PHF3: variants seen among roughly 807,000 people sequenced by gnomAD.
PHF3 encodes PHD finger protein 3.
A neutral mutation model predicts 178.4 loss-of-function variants in PHF3; 41 were observed. The ratio of observed to expected loss-of-function variants is 0.23; its 90% confidence interval spans 0.18 to 0.30. The LOEUF is 0.30. Ranked by LOEUF, PHF3 falls within the 10% of genes least tolerant of loss-of-function variation. The pLI is 1.00. For missense variants in PHF3, 2,346 were observed against 2,398.1 expected, an observed-to-expected ratio of 0.98 and a Z score of 0.45; for synonymous variants, 842 against 800.5, an observed-to-expected ratio of 1.05 and a Z score of -0.88.
intron 2 of PHF3, among the ~76,000 whole-genome samples, chr6:63,663,274 T>A (rs548364001): frequency 1.3e-5 from 2 of 152,296 alleles, no homozygotes; most frequent in East Asian, 3.9e-4. Flanking sequence ...ACTGGCTAAT[T>A]TATAGTGGCC....
chr6:63,702,055 A>G (rs926447164), intron 9 of PHF3, among the ~76,000 whole-genome samples: 1 of 152,172 alleles, frequency 6.6e-6, no homozygotes, highest in Non-Finnish European at 1.5e-5. Context: ...TAGTTAGGAG[A>G]CAGCTAACAA....
In PHF3 at chr6:63,706,763, A is replaced by C; in HGVS notation, c.3598A>C (p.Thr1200Pro). The change falls in exon 13 of 16, where the codon ACC becomes CCC. Residue 1200 changes from threonine (T) to proline (P), a missense_variant. By Grantham distance (38) the Thr-to-Pro change is conservative. Transcript: ENST00000262043. Reference sequence around the variant, plus strand: ...GCCTGGAACTGTTGAAGTTGAGTCTACCTTTCTGGCTCGATTGAACTTCAT... The same window carrying C: ...GCCTGGAACTGTTGAAGTTGAGTCTCCCTTTCTGGCTCGATTGAACTTCAT... ...EMPGTVEVES[T>P]FLARLNFIWK... The C allele has an allele frequency of 1.2e-6, 2 of 1,613,882 alleles. No homozygotes were observed. Among genetic ancestry groups the C allele is most frequent in the Non-Finnish European group, 1.7e-6 (2 of 1,179,886 alleles).
Position 63,713,468 on chromosome 6 carries a change from AAGC to A in PHF3, c.5883_5885del (p.Ser1961del), listed in dbSNP as rs1426020560. 1.2e-6 allele frequency: 2 copies of A among 1,613,818 alleles called. No individual in the cohort carries two copies. The highest frequency in any genetic ancestry group is 1.3e-5 in the African/African-American group (1 of 74,898). ...GCCAAGACAAGGACAGAGACAGAAA[AAGC>A]AGGGAGGAAGGGCACAAAGATAAAG... On this transcript the variant is annotated inframe_deletion, in exon 16 of 16. Transcript: ENST00000262043.
At chr6:63,670,704 C>G (rs1377068827) in intron 2 of PHF3, among the ~76,000 whole-genome samples, 1 of 152,188 alleles carries the variant, frequency 6.6e-6, no homozygotes, top group East Asian at 1.9e-4. Context: ...TGCACTCATG[C>G]ATTTGTTCAT....
Position 63,711,357 on chromosome 6 carries a change from G to T in PHF3, c.3992G>T (p.Gly1331Val). 1 of 1,603,166 alleles carries T rather than the reference G, an allele frequency of 6.2e-7. No homozygotes were observed. The highest frequency in any genetic ancestry group is 1.3e-5 in the African/African-American group (1 of 74,436). ...CCACACCCTCTTGTGCCTTTTGATG[G>T]ACCTGGTAGGTATACGTTTTAATAA... ...KIPHPLVPFD[G>V]PGLELHRPNL... Residue 1331 changes from glycine to valine, a missense_variant, in exon 15 of 16, where the codon GGA (glycine) becomes GTA (valine). Physicochemically the swap from Gly to Val is moderately radical, Grantham distance 109 (BLOSUM62 -3). Around this residue, in one of 8 missense-constraint regions of PHF3, gnomAD observed 90 missense variants for 136.6 expected, o/e 0.66. Coordinates refer to ENST00000262043, the MANE Select transcript of PHF3 (RefSeq NM_001370348.2).
chr6:63,636,358 C>G (rs1171164364), intron 1 of PHF3: 1 of 158,460 alleles, frequency 6.3e-6, no homozygotes, highest in African/African-American at 2.4e-5. Flanking sequence ...CGCCTGTGGA[C>G]CATTTGGACC....
intron 2 of PHF3, among the ~76,000 whole-genome samples, chr6:63,667,193 C>T (rs1765717727): frequency 6.6e-6 from 1 of 152,006 alleles, no homozygotes; most frequent in South Asian, 2.1e-4. Flanking sequence ...TATGAAGAAC[C>T]CATGGATTTG....
rs1023986653 is a variant in PHF3, at chr6:63,717,523, A to G, written c.*3815A>G. On this transcript the variant is annotated 3_prime_UTR_variant, in exon 16 of 16. Transcript: ENST00000262043. ...CTAATTCTTTGATTTCTGTTTCACAATTATAGTAATATGTAGAGCAAAAAA... is the reference window on the plus strand; with the variant it reads ...CTAATTCTTTGATTTCTGTTTCACAGTTATAGTAATATGTAGAGCAAAAAA... Among the ~76,000 whole-genome samples, 3 of 151,986 alleles carry G rather than the reference A, an allele frequency of 2.0e-5. No homozygotes were observed. The highest frequency in any genetic ancestry group is 4.4e-5 in the Non-Finnish European group (3 of 67,952).
Position 63,712,731 on chromosome 6 carries a change from A to T in PHF3, c.5143A>T (p.Asn1715Tyr), listed in dbSNP as rs748903085. 2 of 1,613,972 alleles carry T rather than the reference A, an allele frequency of 1.2e-6. No individual in the cohort carries two copies. Among genetic ancestry groups the T allele is most frequent in the Admixed American group, 1.7e-5 (1 of 59,990 alleles). ...AAACTCGTGTGTTCAGCAGAGTGACAATTTAAAAGTTGCACAAAACTCACC... is the reference window on the plus strand; with the variant it reads ...AAACTCGTGTGTTCAGCAGAGTGACTATTTAAAAGTTGCACAAAACTCACC... ...EKNSCVQQSD[N>Y]LKVAQNSPSV... is the part of the protein sequence containing the mutation. Residue 1715 changes from asparagine (N) to tyrosine (Y), a missense_variant, in exon 16 of 16, where the codon AAT (asparagine) becomes TAT (tyrosine). By Grantham distance (143) the Asn-to-Tyr change is moderately radical. Transcript: ENST00000262043.
chr6:63,679,150 G>A (rs1766313815), intron 2 of PHF3: 1 of 154,054 alleles, frequency 6.5e-6, no homozygotes. Flanking sequence ...AGACTTGCTG[G>A]TCTAAATAAT....
chr6:63,690,728 A>G (rs1306308938), intron 4 of PHF3, among the ~76,000 whole-genome samples: 1 of 152,164 alleles, frequency 6.6e-6, no homozygotes. Context: ...TGAAAAAAGG[A>G]CAAAGTTAAG....
At chr6:63,711,135 C>G (rs1191985958) in intron 14 of PHF3, 32 bp from the exon 15 acceptor site, 1 of 1,502,630 alleles carries the variant, frequency 6.7e-7, no homozygotes. Flanking sequence ...AGCTTATTAC[C>G]TTAAACAATT....
chr6:63,684,523 A>G lies in PHF3; in HGVS notation c.801A>G (p.Glu267=). The change falls in exon 4 of 16, where the codon GAA becomes GAG. Residue 267 remains glutamate, a synonymous_variant. Coordinates refer to ENST00000262043, the MANE Select transcript of PHF3 (RefSeq NM_001370348.2). The part of the protein sequence containing the change: ...LLSETCVTIG[E]KKNEALMECK... The stretch of plus-strand genomic sequence containing the variant: ...CAGAGACTTGTGTTACTATTGGAGA[A>G]AAGAAAAATGAAGCTTTGATGGAAT... 6.2e-7 allele frequency: 1 copy of G among 1,613,338 alleles called. No homozygotes were observed. Among genetic ancestry groups the G allele is most frequent in the Non-Finnish European group, 8.5e-7 (1 of 1,179,770 alleles).
Position 63,711,988 on chromosome 6 carries a change from A to G in PHF3, c.4400A>G (p.Asp1467Gly). 6.2e-7 allele frequency: 1 copy of G among 1,613,780 alleles called. No homozygotes were observed. Among genetic ancestry groups the G allele is most frequent in the Non-Finnish European group, 8.5e-7 (1 of 1,179,912 alleles). The stretch of plus-strand genomic sequence containing the variant: ...TTAGCAAATAAACCTCTTCCTGTGG[A>G]TGATATACTTCAAAGCCTTTTGGGC... ...LELANKPLPVDDILQSLLGTT... is the reference protein window; with the variant it reads ...LELANKPLPVGDILQSLLGTT... The change falls in exon 16 of 16, where the codon GAT (aspartate) becomes GGT (glycine). Residue 1467 changes from aspartate (D) to glycine (G), a missense_variant. Physicochemically the swap from Asp to Gly is moderately conservative, Grantham distance 94. Coordinates refer to ENST00000262043, the MANE Select transcript of PHF3 (RefSeq NM_001370348.2).
At chr6:63,707,660 A>C (rs1249434992) in intron 13 of PHF3, among the ~76,000 whole-genome samples, 1 of 151,998 alleles carries the variant, frequency 6.6e-6, no homozygotes, top group Non-Finnish European at 1.5e-5. Flanking sequence ...TGCTGATTTT[A>C]AAGAATTAAA....
chr6:63,654,533 G>A (rs988431788), intron 2 of PHF3, among the ~76,000 whole-genome samples: 1 of 152,142 alleles, frequency 6.6e-6, no homozygotes, highest in Non-Finnish European at 1.5e-5. Context: ...GAGAGCAAAA[G>A]ATAAAAGAGA....
chr6:63,644,956 C>A (rs903132901), intron 1 of PHF3, among the ~76,000 whole-genome samples: 1 of 151,218 alleles, frequency 6.6e-6, no homozygotes, highest in African/African-American at 2.4e-5. Context: ...GTTGATTTCG[C>A]TGCAACCTCC....
chr6:63,696,272 T>G (rs1767224444), intron 6 of PHF3, among the ~76,000 whole-genome samples: 1 of 151,618 alleles, frequency 6.6e-6, no homozygotes, highest in African/African-American at 2.4e-5. Flanking sequence ...TACAGGAGAG[T>G]TTGACAATGA....
In PHF3 at chr6:63,654,470, T is replaced by A. The variant is rs1765148175; in HGVS notation, c.244+7675T>A. ...TAAGATTGATGATTAAGATTACATA[T>A]CATTTTGAGTTTTACGTAGAGAGGT... On this transcript the variant is annotated intron_variant, in intron 2 of 15. Coordinates refer to ENST00000262043, the MANE Select transcript of PHF3 (RefSeq NM_001370348.2). Among the ~76,000 whole-genome samples, 7 of 152,210 alleles carry A rather than the reference T, an allele frequency of 4.6e-5. No homozygotes were observed. In the South Asian group the frequency reaches 1.5e-3, roughly 32 times the overall value.
Sources: gnomAD v4.1 joint callset for allele counts (sites outside exome capture counted in the v4.1 genomes callset) on GRCh38, gnomAD v4.1.1 for gene constraint, gnomAD v4.1.1 regional missense constraint, MANE v1.5 for transcripts, NCBI Gene and HGNC (gene_info 2026-07-23, HGNC 2026-07-21) for gene names.